The following NRG3 variants were observed in gnomAD, a reference collection of about 807,000 sequenced individuals.
NRG3 encodes the protein neuregulin 3.
Under a neutral mutation model 66.9 loss-of-function variants are expected in NRG3, and 31 were observed. The ratio of observed to expected loss-of-function variants is 0.46; its 90% CI spans 0.35 to 0.63. The LOEUF (loss-of-function observed/expected upper bound fraction) is 0.63. NRG3 is among the 20% of genes least tolerant of loss of function. The pLI is 0.00. For synonymous variants in NRG3, 393 were observed against 359.4 expected, an observed-to-expected ratio of 1.09 and a Z score of -1.06; for missense variants, 910 against 878.9, an observed-to-expected ratio of 1.04 and a Z score of -0.45.
intron 1 of NRG3, among the ~76,000 whole-genome samples, chr10:82,140,258 G>C (rs941325195): frequency 6.6e-6 from 1 of 151,986 alleles, no homozygotes; most frequent in Admixed American, 6.6e-5. Context: ...CAGATCTCTA[G>C]AAATTCTCAC....
chr10:82,354,906 C>T (rs2135549816), intron 1 of NRG3, among the ~76,000 whole-genome samples: 1 of 152,246 alleles, frequency 6.6e-6, no homozygotes, highest in East Asian at 1.9e-4. Context: ...TAAAGAAAGC[C>T]TTGAAATACA....
rs766655914 is a variant in NRG3 at position 82,985,126 on chromosome 10, C to A, written c.1612C>A (p.Arg538=). 1.2e-6 allele frequency: 2 copies of A among 1,613,650 alleles called. No individual in the cohort carries two copies. Among genetic ancestry groups the A allele is most frequent in the East Asian group, 4.5e-5 (2 of 44,868 alleles). ...GYSSSGLKTQ[R]NTSINMQLPS... ...TTCATCCAGTGGTTTAAAAACCCAA[C>A]GAAATACATCAATAAATATGCAACT... The change falls in exon 9 of 9, where the codon CGA becomes AGA. Residue 538 remains arginine, a synonymous_variant. Coordinates refer to ENST00000372141, the MANE Select transcript of NRG3 (RefSeq NM_001010848.4).
chr10:82,768,161 C>T (rs544835802), intron 3 of NRG3, among the ~76,000 whole-genome samples: 10 of 152,222 alleles, frequency 6.6e-5, no homozygotes, highest in South Asian at 4.2e-4. Context: ...TCTAGGAGTA[C>T]GTATTGTATC....
intron 2 of NRG3, among the ~76,000 whole-genome samples, chr10:82,517,965 ACT>A (rs1407740405): frequency 1.3e-5 from 2 of 151,970 alleles, no homozygotes; most frequent in Non-Finnish European, 2.9e-5. Flanking sequence ...TGCATCAGGG[ACT>A]CTGTCCTATG....
At chr10:81,996,429 T>C (rs2060942162) in intron 1 of NRG3, among the ~76,000 whole-genome samples, 1 of 152,184 alleles carries the variant, frequency 6.6e-6, no homozygotes, top group Non-Finnish European at 1.5e-5. Context: ...ATATAGTAAG[T>C]TACTTATTGG....
chr10:82,816,571 G>T (rs1335509309), intron 3 of NRG3, among the ~76,000 whole-genome samples: 2 of 152,210 alleles, frequency 1.3e-5, no homozygotes, highest in Non-Finnish European at 2.9e-5. Flanking sequence ...AGCACCATAA[G>T]TTCTCACTCC....
At chr10:81,892,548 A>G (rs1470859181) in intron 1 of NRG3, among the ~76,000 whole-genome samples, 1 of 152,078 alleles carries the variant, frequency 6.6e-6, no homozygotes, top group Admixed American at 6.6e-5. Context: ...ACGAAAGGCA[A>G]TATTTCCTGT....
chr10:82,082,584 G>A (rs1208556616), intron 1 of NRG3, among the ~76,000 whole-genome samples: 1 of 152,146 alleles, frequency 6.6e-6, no homozygotes, highest in Non-Finnish European at 1.5e-5. Flanking sequence ...AATAAAGACT[G>A]CAGATTTGGG....
chr10:82,573,272 G>T (rs1017613347), intron 2 of NRG3, among the ~76,000 whole-genome samples: 16 of 151,662 alleles, frequency 1.1e-4, no homozygotes, highest in African/African-American at 3.9e-4. Flanking sequence ...GGAAAATCTG[G>T]TATTCTTTCA....
intron 4 of NRG3, among the ~76,000 whole-genome samples, chr10:82,927,415 A>G (rs1364750160): frequency 6.6e-6 from 1 of 151,986 alleles, no homozygotes; most frequent in African/African-American, 2.4e-5. Flanking sequence ...GGTTTGTTAC[A>G]TAGGTATACA....
At chr10:82,917,390 C>T (rs192084628) in intron 4 of NRG3, among the ~76,000 whole-genome samples, 44 of 152,312 alleles carry the variant, frequency 2.9e-4, no homozygotes, top group African/African-American at 1.1e-3. Flanking sequence ...ATAAAAGCGA[C>T]AGTCCAAGTT....
intron 1 of NRG3, among the ~76,000 whole-genome samples, chr10:82,047,455 T>C (rs1201752564): frequency 6.6e-6 from 1 of 151,936 alleles, no homozygotes; most frequent in Non-Finnish European, 1.5e-5. Flanking sequence ...TCAACATTCT[T>C]AAAGGAAAGA....
chr10:82,342,955 G>T (rs956367909), intron 1 of NRG3, among the ~76,000 whole-genome samples: 5 of 152,046 alleles, frequency 3.3e-5, no homozygotes, highest in Non-Finnish European at 7.4e-5. Flanking sequence ...TATGGTAAGA[G>T]ATATGGGTAT....
chr10:82,129,022 C>A (rs117311457), intron 1 of NRG3, among the ~76,000 whole-genome samples: 1 of 151,990 alleles, frequency 6.6e-6, no homozygotes, highest in East Asian at 1.9e-4. Context: ...AAGCGATTCT[C>A]CTGTCTCAGC....
intron 2 of NRG3, among the ~76,000 whole-genome samples, chr10:82,723,556 C>T (rs913888109): frequency 2.6e-5 from 4 of 151,840 alleles, no homozygotes; most frequent in Admixed American, 2.0e-4. Flanking sequence ...AATGATAAAA[C>T]ATTTTGCCAA....
At chr10:82,677,061 TC>T (rs1172595390) in intron 2 of NRG3, among the ~76,000 whole-genome samples, 169 of 143,778 alleles carry the variant, frequency 1.2e-3, no homozygotes, top group African/African-American at 4.5e-3. Context: ...TCTCTCTCTC[TC>T]TTTTTTTTTT....
chr10:82,076,277 G>A (rs17099355), intron 1 of NRG3, among the ~76,000 whole-genome samples: 3,627 of 152,188 alleles, frequency 0.024, 74 homozygotes, highest in Admixed American at 0.053. Flanking sequence ...GTAGTTGCAC[G>A]CCCTCATTGT....
intron 4 of NRG3, among the ~76,000 whole-genome samples, chr10:82,949,670 C>T (rs1480225715): frequency 1.3e-5 from 2 of 152,164 alleles, no homozygotes; most frequent in African/African-American, 4.8e-5. Flanking sequence ...GTCTGGCCAA[C>T]ACAGTGAAAC....
chr10:82,820,850 G>A (rs555621929), intron 3 of NRG3, among the ~76,000 whole-genome samples: 1 of 152,288 alleles, frequency 6.6e-6, no homozygotes, highest in South Asian at 2.1e-4. Context: ...AATCGTTTTT[G>A]TGGTTTCTCA....
Sources: gnomAD v4.1 joint callset for allele counts (sites outside exome capture counted in the v4.1 genomes callset) on GRCh38, gnomAD v4.1.1 for gene constraint, MANE v1.5 for transcripts, NCBI Gene and HGNC (gene_info 2026-07-23, HGNC 2026-07-21) for gene names.